The following TENM1 variants were observed in gnomAD, a reference collection of about 807,000 sequenced individuals.
TENM1 encodes the protein teneurin-1.
A neutral mutation model predicts 174.8 loss-of-function variants in TENM1; 35 were observed. The observed-to-expected ratio is 0.20, with a 90% CI of 0.15 to 0.27. The LOEUF (loss-of-function observed/expected upper bound fraction) is 0.27, where lower values mean the gene tolerates loss of function less well. Among genes scored for constraint, TENM1 ranks in the 10% least tolerant of loss-of-function variants. The pLI, the probability that TENM1 is intolerant of heterozygous loss-of-function variation, is 1.00. For missense variants in TENM1, 1,633 were observed against 2,130.1 expected (o/e 0.77, Z 4.59); for synonymous variants, 781 against 798.7 (o/e 0.98, Z 0.37).
Position 124,609,391 on chromosome X carries a change from C to T in TENM1, c.2077+32400G>A, listed in dbSNP as rs761993338. On this transcript the variant is annotated intron_variant, in intron 11 of 31. Coordinates refer to ENST00000422452, the Ensembl canonical transcript of TENM1. ...TTTGTAGATCCTTGAACCCATGCTG[C>T]TTTTTTTTTTCCTCACACATGTATC... Among the ~76,000 whole-genome samples the T allele has an allele frequency of 3.7e-5, 4 of 108,038 alleles. No individual in the cohort carries two copies. In the South Asian group the frequency reaches 1.6e-3, roughly 42 times the overall value. The allele number at this position is 108,038 out of a possible 115,157, so 93.8% of individuals were successfully genotyped here.
At chrX:124,535,368 C>T (rs1422730158) in intron 15 of TENM1, among the ~76,000 whole-genome samples, 1 of 111,288 alleles carries the variant, frequency 9.0e-6, no homozygotes, top group Non-Finnish European at 1.9e-5. Context: ...GGTTCACAAT[C>T]TTACCCTTAT....
At chrX:124,554,477 A>G (rs754717209) in intron 14 of TENM1, among the ~76,000 whole-genome samples, 56 of 112,052 alleles carry the variant, frequency 5.0e-4, no homozygotes, top group Admixed American at 2.3e-3. Context: ...CTTATAACTA[A>G]GTGATGATCC....
rs759474485 is a variant in TENM1 at position 124,819,328 on chromosome X, G to A, written c.535+74968C>T. Among the ~76,000 whole-genome samples, 8 of 111,457 alleles carry A rather than the reference G, an allele frequency of 7.2e-5. No individual in the cohort carries two copies. In the South Asian group the frequency reaches 3.1e-3, roughly 43 times the overall value. On this transcript the variant is annotated intron_variant, in intron 3 of 31. Coordinates refer to ENST00000422452, the Ensembl canonical transcript of TENM1. ...AACAGAAAGAAGGTACAAGAAATTA[G>A]TGAGTTTCTATTGCACCTTAAAAAT...
chrX:124,522,653 T>C (rs1253475458), intron 17 of TENM1, among the ~76,000 whole-genome samples: 3 of 99,964 alleles, frequency 3.0e-5, no homozygotes, highest in African/African-American at 1.1e-4. Flanking sequence ...ACAATGACAA[T>C]GATACAAACT....
At chrX:124,836,361 T>C (rs1279038547) in intron 3 of TENM1, among the ~76,000 whole-genome samples, 1 of 111,788 alleles carries the variant, frequency 8.9e-6, no homozygotes. Context: ...ATCTTCCTTC[T>C]CATTCTCTCA....
intron 5 of TENM1, among the ~76,000 whole-genome samples, chrX:124,672,620 T>C (rs1216201461): frequency 8.9e-6 from 1 of 112,026 alleles, no homozygotes; most frequent in Admixed American, 9.5e-5. Context: ...GTTGCCAAAG[T>C]ACAATGCTGT....
intron 15 of TENM1, among the ~76,000 whole-genome samples, chrX:124,536,153 G>A (rs1490849074): frequency 9.0e-6 from 1 of 110,671 alleles, no homozygotes; most frequent in Admixed American, 9.6e-5. Context: ...AGATATTTTG[G>A]GGGTTTCCTT....
chrX:125,175,454 C>T, the TENM1 span, among the ~76,000 whole-genome samples: 5 of 110,948 alleles, frequency 4.5e-5, no homozygotes, highest in Non-Finnish European at 9.5e-5. Context: ...ATTATGACAC[C>T]GGAAGTAACT....
chrX:124,383,881 G>A (rs774343710), exon 30 of TENM1: 3 of 1,211,151 alleles, frequency 2.5e-6, no homozygotes, highest in Admixed American at 2.2e-5. Flanking sequence ...GATAGATATC[G>A]CCATAAGGTG....
At chrX:125,055,158 C>A in the TENM1 span, among the ~76,000 whole-genome samples, 4 of 111,089 alleles carry the variant, frequency 3.6e-5, no homozygotes, top group Non-Finnish European at 5.7e-5. Context: ...TTACTGTTCA[C>A]AAAAGACTAG....
At chrX:124,956,041 G>A (rs746250081) in intron 1 of TENM1, among the ~76,000 whole-genome samples, 1 of 111,640 alleles carries the variant, frequency 9.0e-6, no homozygotes, top group Admixed American at 9.6e-5. Context: ...TAGCATTGCT[G>A]GGAAGATTAA....
intron 14 of TENM1, among the ~76,000 whole-genome samples, chrX:124,560,231 G>A (rs2048786774): frequency 9.5e-6 from 1 of 104,922 alleles, no homozygotes; most frequent in Non-Finnish European, 2.0e-5. Context: ...GTGTGTGTGT[G>A]TGTATGTGTG....
intron 3 of TENM1, among the ~76,000 whole-genome samples, chrX:124,797,417 C>T (rs922908975): frequency 9.0e-6 from 1 of 111,478 alleles, no homozygotes; most frequent in Admixed American, 9.5e-5. Flanking sequence ...TTCCTAGAGA[C>T]TTGTCCATCC....
At chrX:125,044,195 T>A in the TENM1 span, among the ~76,000 whole-genome samples, 12 of 61,086 alleles carry the variant, frequency 2.0e-4, no homozygotes, top group East Asian at 8.4e-4. Context: ...AAAAAAAAGA[T>A]TAAAAATAAA....
the TENM1 span, among the ~76,000 whole-genome samples, chrX:125,007,253 T>C: frequency 9.0e-6 from 1 of 110,614 alleles, no homozygotes; most frequent in African/African-American, 3.3e-5. Flanking sequence ...ATAGCCGGAC[T>C]GATCAAGTGG....
the TENM1 span, among the ~76,000 whole-genome samples, chrX:124,970,324 T>C: frequency 1.8e-5 from 2 of 111,617 alleles, no homozygotes; most frequent in Admixed American, 9.6e-5. Context: ...AAAGGGTACA[T>C]AGAACATTGC....
Position 124,385,868 on chromosome X carries a change from C to T in TENM1, c.5885G>A (p.Arg1962Gln). Residue 1962 changes from arginine (R) to glutamine (Q), a missense_variant, in exon 29 of 32, where the codon CGA becomes CAA. Around this residue, in one of 4 missense-constraint regions of TENM1, gnomAD observed 807 missense variants for 1,125.3 expected, o/e 0.72. Transcript: ENST00000422452. ...CCCCAGATGCAGGGTCTGTAGCAATCGGCCATCTCGACTATAGTCTTGGAT... is the reference window on the plus strand; with the variant it reads ...CCCCAGATGCAGGGTCTGTAGCAATTGGCCATCTCGACTATAGTCTTGGAT... 5 of 1,210,015 alleles carry T rather than the reference C, an allele frequency of 4.1e-6. No homozygotes were observed. The highest frequency in any genetic ancestry group is 1.7e-5 in the African/African-American group (1 of 57,642).
chrX:125,053,650 G>A, the TENM1 span, among the ~76,000 whole-genome samples: 15 of 111,522 alleles, frequency 1.3e-4, no homozygotes, highest in East Asian at 3.4e-3. Context: ...CTGCTGTATC[G>A]TAGGTTTGGG....
chrX:124,996,421 C>A, the TENM1 span, among the ~76,000 whole-genome samples: 1 of 109,576 alleles, frequency 9.1e-6, no homozygotes, highest in Non-Finnish European at 1.9e-5. Flanking sequence ...AGTTGAAAGT[C>A]CAATTTTATT....
Sources: gnomAD v4.1 joint callset for allele counts (sites outside exome capture counted in the v4.1 genomes callset) on GRCh38, gnomAD v4.1.1 for gene constraint, gnomAD v4.1.1 regional missense constraint, MANE v1.5 for transcripts, NCBI Gene and HGNC (gene_info 2026-07-23, HGNC 2026-07-21) for gene names.